The following NPAS2 variants were observed in gnomAD, a reference collection of about 807,000 sequenced individuals.
NPAS2 encodes the protein neuronal PAS domain protein 2.
Under a neutral mutation model 107.5 loss-of-function variants are expected in NPAS2, and 23 were observed. That is an observed-to-expected ratio of 0.21 (90% CI 0.15 to 0.30). The LOEUF (loss-of-function observed/expected upper bound fraction) is 0.30, where lower values mean the gene tolerates loss of function less well. NPAS2 is among the 10% of genes least tolerant of loss of function. The probability of loss-of-function intolerance (pLI) is 1.00; values close to 1 mark genes in which losing one functional copy is unlikely to be tolerated. For synonymous variants in NPAS2, 403 were observed against 417.5 expected (o/e 0.97, Z 0.42); for missense variants, 756 against 1,043.3 (o/e 0.72, Z 3.79).
chr2:100,988,188 G>A lies in NPAS2; in HGVS notation c.1739G>A (p.Gly580Glu). Residue 580 changes from glycine (G) to glutamate (E), a missense_variant, in exon 17 of 21, where the codon GGG becomes GAG. Coordinates refer to ENST00000335681, the MANE Select transcript of NPAS2 (RefSeq NM_002518.4). ...GCTGCAGTGACTCAGCCCCAGCTCG[G>A]GGCGGGCCCCCAACTTCCAGGGCAG... Reference protein sequence around the residue: ...RSAAVTQPQLGAGPQLPGQIS... With the variant: ...RSAAVTQPQLEAGPQLPGQIS... 5 of 1,614,178 alleles carry A rather than the reference G, an allele frequency of 3.1e-6. No individual in the cohort carries two copies. The highest frequency in any genetic ancestry group is 4.2e-6 in the Non-Finnish European group (5 of 1,180,044).
rs144470382 is a variant in NPAS2 at position 100,940,505 on chromosome 2, G to A, written c.363+2663G>A. Among the ~76,000 whole-genome samples the A allele has an allele frequency of 2.8e-3, 434 of 152,292 alleles. 3 individuals carry two copies. Among genetic ancestry groups the A allele is most frequent in the African/African-American group, 9.9e-3 (411 of 41,552 alleles). On this transcript the variant is annotated intron_variant, in intron 5 of 20. Coordinates refer to ENST00000335681, the MANE Select transcript of NPAS2 (RefSeq NM_002518.4). ...AGATTTTACCCATTAAACCTTGGGT[G>A]ACTAACACTGAGCACTTACAATGTA...
intron 2 of NPAS2, among the ~76,000 whole-genome samples, chr2:100,922,457 C>T (rs1234920230): frequency 6.6e-6 from 1 of 152,052 alleles, no homozygotes; most frequent in Non-Finnish European, 1.5e-5. Flanking sequence ...GTGGTGCATG[C>T]CTGTAATCCC....
At position 100,964,134 on chromosome 2, in the gene NPAS2, C is replaced by T. The variant is rs1404948885; in HGVS notation, c.675C>T (p.Cys225=). 6.2e-7 allele frequency: 1 copy of T among 1,614,050 alleles called. No individual in the cohort carries two copies. Among genetic ancestry groups the T allele is most frequent in the Admixed American group, 1.7e-5 (1 of 60,018 alleles). The change falls in exon 8 of 21, where the codon TGC becomes TGT. Residue 225 remains cysteine, a synonymous_variant. Transcript: ENST00000335681. Reference sequence around the variant, plus strand: ...GGGTGCCACTAGGAAAGGAGGTTTGCTTCATTGCCACCGTTCGTCTGGCAA... The same window carrying T: ...GGGTGCCACTAGGAAAGGAGGTTTGTTTCATTGCCACCGTTCGTCTGGCAA... ...PCRVPLGKEV[C]FIATVRLATP...
rs1189687876 is a variant in NPAS2 at position 100,990,280 on chromosome 2, C to A, written c.1852C>A (p.Gln618Lys). ...GGGTCCAAAGCCAATGAGAAGCTCACAGCTAATGCAGAGCAGCGGCCGCTC... is the reference window on the plus strand; with the variant it reads ...GGGTCCAAAGCCAATGAGAAGCTCAAAGCTAATGCAGAGCAGCGGCCGCTC... Reference protein sequence around the residue: ...TQGPKPMRSSQLMQSSGRSGS... With the variant: ...TQGPKPMRSSKLMQSSGRSGS... Residue 618 changes from glutamine (Q) to lysine (K), a missense_variant, in exon 18 of 21, where the codon CAG becomes AAG. Gln to Lys is a moderately conservative substitution (Grantham distance 53). Around this residue, in one of 4 missense-constraint regions of NPAS2, gnomAD observed 496 missense variants for 594.4 expected, o/e 0.83. Transcript: ENST00000335681. 1 of 1,614,028 alleles carries A rather than the reference C, an allele frequency of 6.2e-7. No homozygotes were observed. The highest frequency in any genetic ancestry group is 1.3e-5 in the African/African-American group (1 of 74,920).
chr2:100,935,191 G>A (rs1296897185), intron 4 of NPAS2: 1 of 659,658 alleles, frequency 1.5e-6, no homozygotes, highest in Non-Finnish European at 1.9e-6. Flanking sequence ...CACTCAAAAG[G>A]AGCCAAAGTG....
At chr2:100,925,869 G>A (rs1300190109) in intron 3 of NPAS2, among the ~76,000 whole-genome samples, 1 of 152,038 alleles carries the variant, frequency 6.6e-6, no homozygotes, top group African/African-American at 2.4e-5. Flanking sequence ...TCACAAGGTG[G>A]TGTAACCATC....
At chr2:100,873,333 CACACACACAT>C (rs1381112928) in intron 1 of NPAS2, among the ~76,000 whole-genome samples, 1 of 132,866 alleles carries the variant, frequency 7.5e-6, no homozygotes, top group Non-Finnish European at 1.6e-5. Flanking sequence ...CACACACACA[CACACACACAT>C]ATATACATAC....
chr2:100,829,241 G>A (rs556635523), intron 1 of NPAS2, among the ~76,000 whole-genome samples: 13 of 150,796 alleles, frequency 8.6e-5, no homozygotes, highest in African/African-American at 2.2e-4. Flanking sequence ...CTGGATTGCA[G>A]TGGCGCAATC....
chr2:100,875,439 A>C (rs996797534), intron 1 of NPAS2, among the ~76,000 whole-genome samples: 2 of 149,506 alleles, frequency 1.3e-5, no homozygotes, highest in African/African-American at 2.5e-5. Context: ...TTTAAAAATA[A>C]AATTTTTAAA....
chr2:100,901,107 T>C (rs1474209288), intron 1 of NPAS2, among the ~76,000 whole-genome samples: 1 of 152,156 alleles, frequency 6.6e-6, no homozygotes, highest in African/African-American at 2.4e-5. Flanking sequence ...CCTCCCTCCT[T>C]CTACCTCCCC....
At chr2:100,839,916 A>T (rs775497691) in intron 1 of NPAS2, among the ~76,000 whole-genome samples, 1 of 152,078 alleles carries the variant, frequency 6.6e-6, no homozygotes, top group African/African-American at 2.4e-5. Flanking sequence ...TTTAAATAAT[A>T]TTTTTTTCTT....
Position 100,842,383 on chromosome 2 carries a change from A to G in NPAS2, c.-23+21969A>G, listed in dbSNP as rs1302674108. 2.6e-5 allele frequency among the ~76,000 whole-genome samples: 4 copies of G among 152,110 alleles called. No individual in the cohort carries two copies. In the East Asian group the frequency reaches 7.7e-4, roughly 29 times the overall value. ...CTACTCCTGCACGTAGACAGAATGC[A>G]TCGTGCGCCATCCCTTGTCAATGGG... On this transcript the variant is annotated intron_variant, in intron 1 of 20. Transcript: ENST00000335681.
chr2:100,964,050 C>T lies in NPAS2; in HGVS notation c.599-8C>T. 6.3e-7 allele frequency: 1 copy of T among 1,584,418 alleles called. No homozygotes were observed. The highest frequency in any genetic ancestry group is 8.7e-7 in the Non-Finnish European group (1 of 1,153,142). On this transcript the variant is annotated splice_polypyrimidine_tract_variant and splice_region_variant and intron_variant, in intron 7 of 20. Coordinates refer to ENST00000335681, the MANE Select transcript of NPAS2 (RefSeq NM_002518.4). ...AACCTATGTGTCCTCTTCTTCCCAA[C>T]CCCCCAGTGCCTAGCCCCTCCTGTA...
chr2:100,854,645 T>G (rs917010852), intron 1 of NPAS2, among the ~76,000 whole-genome samples: 1 of 152,204 alleles, frequency 6.6e-6, no homozygotes, highest in African/African-American at 2.4e-5. Context: ...GAATTATGAT[T>G]AGGAGGCCAG....
chr2:100,841,479 G>T (rs1677394607), intron 1 of NPAS2, among the ~76,000 whole-genome samples: 1 of 152,164 alleles, frequency 6.6e-6, no homozygotes, highest in South Asian at 2.1e-4. Context: ...GACTGTGTAT[G>T]CCCATGCCAA....
intron 1 of NPAS2, among the ~76,000 whole-genome samples, chr2:100,850,953 CAAAAAA>C (rs148858541): frequency 1.4e-4 from 6 of 41,856 alleles, no homozygotes; most frequent in African/African-American, 3.0e-4. Context: ...AACTCTGTCT[CAAAAAA>C]AAAAAAAAAA....
chr2:100,952,304 C>T (rs1675273743), intron 7 of NPAS2, among the ~76,000 whole-genome samples: 1 of 152,168 alleles, frequency 6.6e-6, no homozygotes, highest in Non-Finnish European at 1.5e-5. Context: ...ATGCTGCTCC[C>T]TCTTGCCCCA....
intron 16 of NPAS2, chr2:100,984,885 A>AT (rs1260078021): frequency 6.6e-6 from 1 of 151,706 alleles, no homozygotes; most frequent in Non-Finnish European, 1.5e-5. Context: ...TTTCAAAAAA[A>AT]CCTTGGGTTA....
chr2:100,961,638 C>G (rs1675920136), intron 7 of NPAS2, among the ~76,000 whole-genome samples: 1 of 152,208 alleles, frequency 6.6e-6, no homozygotes, highest in South Asian at 2.1e-4. Flanking sequence ...GCCAGGCCAA[C>G]AGTAAGCTCT....
Sources: allele counts gnomAD v4.1 joint callset (sites outside exome capture counted in the v4.1 genomes callset), GRCh38; gene constraint gnomAD v4.1.1; regional missense constraint gnomAD v4.1.1; transcripts MANE v1.5; gene names NCBI Gene and HGNC (gene_info 2026-07-23, HGNC 2026-07-21).